Variants in CORIN observed in about 807,000 individuals in gnomAD.
CORIN encodes corin, serine peptidase, also known as atrial natriuretic peptide-converting enzyme.
Under a neutral mutation model 125.3 loss-of-function variants are expected in CORIN, and 117 were observed. The observed-to-expected ratio is 0.93, with a 90% CI of 0.80 to 1.09. The LOEUF is 1.09. CORIN is among the 50% of genes least tolerant of loss of function. The pLI is 0.00. For synonymous variants in CORIN, 450 were observed against 466.4 expected (o/e 0.96, Z 0.45); for missense variants, 1,253 against 1,306.7 (o/e 0.96, Z 0.63).
intron 5 of CORIN, among the ~76,000 whole-genome samples, chr4:47,718,938 A>G (rs1727226348): frequency 6.6e-6 from 1 of 152,130 alleles, no homozygotes; most frequent in Non-Finnish European, 1.5e-5. Context: ...AAATGCTCTG[A>G]GATATTTGTC....
chr4:47,804,573 G>A (rs1330130360), intron 2 of CORIN, among the ~76,000 whole-genome samples: 1 of 151,980 alleles, frequency 6.6e-6, no homozygotes, highest in Admixed American at 6.6e-5. Context: ...AATGGAACTG[G>A]AGGTTATTAT....
chr4:47,595,557 T>G lies in CORIN; in HGVS notation c.*164A>C. The G allele has an allele frequency of 2.2e-6, 1 of 454,166 alleles. No homozygotes were observed. The highest frequency in any genetic ancestry group is 3.8e-6 in the Non-Finnish European group (1 of 260,294). 28.1% of individuals were successfully genotyped at this position (454,166 alleles called of 1,614,324 possible). ...GAAAAATGAAGGTGAAAAAATAAAT[T>G]GAAAAAAATTAGTCCAAAACAAACA... On this transcript the variant is annotated 3_prime_UTR_variant, in exon 22 of 22. Transcript: ENST00000273857.
chr4:47,797,983 C>T (rs573331538), intron 2 of CORIN, among the ~76,000 whole-genome samples: 5 of 152,046 alleles, frequency 3.3e-5, no homozygotes, highest in Non-Finnish European at 5.9e-5. Flanking sequence ...AAATAAAAAT[C>T]TACATATAAT....
intron 2 of CORIN, among the ~76,000 whole-genome samples, chr4:47,792,383 G>C (rs747027329): frequency 1.1e-4 from 17 of 152,192 alleles, no homozygotes; most frequent in Admixed American, 6.5e-4. Flanking sequence ...TGGCAGCAGG[G>C]TGACGTTTAA....
At chr4:47,667,851 A>G (rs1343008464) in intron 10 of CORIN, among the ~76,000 whole-genome samples, 2 of 152,142 alleles carry the variant, frequency 1.3e-5, no homozygotes, top group African/African-American at 4.8e-5. Context: ...GACATTATGG[A>G]CTAAATGTTT....
chr4:47,764,085 A>G (rs1729596170), intron 3 of CORIN, among the ~76,000 whole-genome samples: 1 of 152,234 alleles, frequency 6.6e-6, no homozygotes. Flanking sequence ...ATTGTTCTTT[A>G]GAATATGGAA....
intron 7 of CORIN, chr4:47,682,000 G>A (rs1340478223): frequency 3.9e-5 from 6 of 152,184 alleles, no homozygotes; most frequent in Non-Finnish European, 7.3e-5. Flanking sequence ...CAACATGGAT[G>A]AGCCTGGAGG....
At chr4:47,641,118 C>T (rs926749735) in intron 16 of CORIN, among the ~76,000 whole-genome samples, 8 of 152,122 alleles carry the variant, frequency 5.3e-5, no homozygotes, top group Admixed American at 5.2e-4. Context: ...CAAAAATGTG[C>T]TGCTAGTTGC....
intron 3 of CORIN, among the ~76,000 whole-genome samples, chr4:47,780,963 A>C (rs1730517794): frequency 6.6e-6 from 1 of 151,728 alleles, no homozygotes; most frequent in Admixed American, 6.6e-5. Flanking sequence ...TAAACGTTTC[A>C]ATATTAAAAA....
chr4:47,674,604 C>G (rs540156107), intron 9 of CORIN, 104 bp from the exon 10 acceptor site: 2 of 722,096 alleles, frequency 2.8e-6, no homozygotes, highest in South Asian at 1.6e-5. Context: ...AATAACACAA[C>G]TTTAATTTCC....
chr4:47,595,442 T>A lies in CORIN; in HGVS notation c.*279A>T. 41 of 211,424 alleles carry A rather than the reference T, an allele frequency of 1.9e-4. No homozygotes were observed. The highest frequency in any genetic ancestry group is 2.7e-4 in the Non-Finnish European group (29 of 106,002). The allele number at this position is 211,424 out of a possible 1,614,324, so 13.1% of individuals were successfully genotyped here. On this transcript the variant is annotated 3_prime_UTR_variant, in exon 22 of 22. Coordinates refer to ENST00000273857, the MANE Select transcript of CORIN (RefSeq NM_006587.4). ...TTTTAAATCTCGCCAGAGTCGATAA[T>A]TTTGTGCTGCAGTCATGGTTAGGCC...
intron 5 of CORIN, 58 bp from the exon 6 acceptor site, chr4:47,693,141 A>T: frequency 1.9e-6 from 2 of 1,075,530 alleles, no homozygotes; most frequent in South Asian, 2.7e-5. Context: ...TTCTTTTAAG[A>T]TTACAAAAAA....
chr4:47,820,386 C>A (rs1287030976), intron 1 of CORIN, among the ~76,000 whole-genome samples: 1 of 151,990 alleles, frequency 6.6e-6, no homozygotes, highest in East Asian at 1.9e-4. Context: ...GAAATGAGAA[C>A]CTCAAATAAA....
intron 2 of CORIN, among the ~76,000 whole-genome samples, chr4:47,797,883 G>T (rs1731369159): frequency 6.6e-6 from 1 of 152,116 alleles, no homozygotes; most frequent in Non-Finnish European, 1.5e-5. Context: ...AAATGGAAGA[G>T]TAAAACCCTA....
chr4:47,822,865 G>C (rs571351822), intron 1 of CORIN, among the ~76,000 whole-genome samples: 10 of 151,450 alleles, frequency 6.6e-5, no homozygotes, highest in African/African-American at 2.2e-4. Context: ...TGCCAGGCTG[G>C]AGTGCAGTGG....
At chr4:47,678,674 A>G (rs933986879) in intron 8 of CORIN, among the ~76,000 whole-genome samples, 2 of 152,260 alleles carry the variant, frequency 1.3e-5, no homozygotes, top group Non-Finnish European at 2.9e-5. Context: ...CCTAATATCC[A>G]TTAACCTTCT....
chr4:47,694,871 T>C, intron 5 of CORIN, among the ~76,000 whole-genome samples: 1 of 152,210 alleles, frequency 6.6e-6, no homozygotes. Context: ...ACAAAATTAA[T>C]GAATTATTTC....
At chr4:47,701,833 T>C (rs1162231361) in intron 5 of CORIN, among the ~76,000 whole-genome samples, 1 of 150,888 alleles carries the variant, frequency 6.6e-6, no homozygotes, top group Non-Finnish European at 1.5e-5. Context: ...GAGGGAGGGG[T>C]GAGGGAGAAG....
At chr4:47,666,054 T>C (rs1724464417) in intron 10 of CORIN, among the ~76,000 whole-genome samples, 1 of 152,200 alleles carries the variant, frequency 6.6e-6, no homozygotes, top group African/African-American at 2.4e-5. Flanking sequence ...GCCAGGGCCA[T>C]ACGGCACCTG....
Sources: allele counts gnomAD v4.1 joint callset (sites outside exome capture counted in the v4.1 genomes callset), GRCh38; gene constraint gnomAD v4.1.1; transcripts MANE v1.5; gene names NCBI Gene and HGNC (gene_info 2026-07-23, HGNC 2026-07-21).